The following NR2F1-AS1 variants were observed in gnomAD, a reference collection of about 807,000 sequenced individuals.
The protein encoded by NR2F1-AS1 is NR2F1 antisense RNA 1.
intron 4 of NR2F1-AS1, among the ~76,000 whole-genome samples, chr5:93,545,580 G>A (rs1318106107): frequency 6.6e-6 from 1 of 152,124 alleles, no homozygotes; most frequent in African/African-American, 2.4e-5. Flanking sequence ...CAGTAGGTGG[G>A]CATTAATCCA....
intron 4 of NR2F1-AS1, among the ~76,000 whole-genome samples, chr5:93,523,168 G>C (rs1379050430): frequency 6.6e-6 from 1 of 152,118 alleles, no homozygotes; most frequent in African/African-American, 2.4e-5. Flanking sequence ...TGGGGGGAGG[G>C]GTGTCTGCCA....
chr5:93,422,619 A>T (rs1044562359), intron 4 of NR2F1-AS1, among the ~76,000 whole-genome samples: 5 of 152,168 alleles, frequency 3.3e-5, no homozygotes, highest in Non-Finnish European at 7.3e-5. Flanking sequence ...CCATTTTATC[A>T]TTTTTAATAT....
intron 4 of NR2F1-AS1, among the ~76,000 whole-genome samples, chr5:93,466,487 C>T (rs149771652): frequency 6.6e-6 from 1 of 152,120 alleles, no homozygotes; most frequent in African/African-American, 2.4e-5. Flanking sequence ...AAGGCGCCCA[C>T]CACCACGCCT....
intron 4 of NR2F1-AS1, among the ~76,000 whole-genome samples, chr5:93,424,172 C>T (rs1749147492): frequency 6.6e-6 from 1 of 152,080 alleles, no homozygotes; most frequent in African/African-American, 2.4e-5. Context: ...ATCATCTACT[C>T]TCATGACTTC....
At chr5:93,552,707 T>C (rs1580326897) in intron 4 of NR2F1-AS1, among the ~76,000 whole-genome samples, 1 of 146,908 alleles carries the variant, frequency 6.8e-6, no homozygotes, top group Non-Finnish European at 1.5e-5. Context: ...AAAGCAAGAC[T>C]GTAAAGAAAA....
At chr5:93,477,602 T>A (rs943085928) in intron 4 of NR2F1-AS1, among the ~76,000 whole-genome samples, 10 of 152,118 alleles carry the variant, frequency 6.6e-5, no homozygotes, top group Non-Finnish European at 1.2e-4. Context: ...GGTAAACAAG[T>A]CTCTTCCACT....
At chr5:93,584,516 C>A (rs1380130265), upstream of NR2F1-AS1, 1 of 149,528 alleles carries the variant, frequency 6.7e-6, no homozygotes, top group Admixed American at 6.6e-5. Context: ...TGCCCGCCGC[C>A]CCCGGCGCTG....
At chr5:93,569,235 A>G (rs978033579) in intron 1 of NR2F1-AS1, among the ~76,000 whole-genome samples, 1 of 152,188 alleles carries the variant, frequency 6.6e-6, no homozygotes, top group Non-Finnish European at 1.5e-5. Flanking sequence ...ACAGAAGAGA[A>G]GGGAGAAAAT....
chr5:93,495,921 A>G (rs141765784), intron 4 of NR2F1-AS1: 329 of 152,264 alleles, frequency 2.2e-3, no homozygotes, highest in African/African-American at 7.6e-3. Context: ...TGGATACTAC[A>G]AACTAAGTAG....
intron 4 of NR2F1-AS1, among the ~76,000 whole-genome samples, chr5:93,533,014 C>A (rs938238036): frequency 2.0e-5 from 3 of 152,176 alleles, no homozygotes; most frequent in African/African-American, 7.2e-5. Flanking sequence ...AAAAATCACA[C>A]GATCTTTTAG....
At chr5:93,566,884 T>C (rs1192686667) in intron 1 of NR2F1-AS1, among the ~76,000 whole-genome samples, 1 of 152,000 alleles carries the variant, frequency 6.6e-6, no homozygotes, top group African/African-American at 2.4e-5. Flanking sequence ...TGTTAAAACA[T>C]TATAGAGTCA....
At chr5:93,448,837 T>C (rs897670781) in intron 4 of NR2F1-AS1, among the ~76,000 whole-genome samples, 1 of 152,156 alleles carries the variant, frequency 6.6e-6, no homozygotes, top group Non-Finnish European at 1.5e-5. Flanking sequence ...TTACTCAGTC[T>C]ACCAATTCAA....
At chr5:93,562,195 A>AAAAAAAAGAAAAGAAAAGAAAAG (rs755007063) in intron 2 of NR2F1-AS1, among the ~76,000 whole-genome samples, 4 of 136,720 alleles carry the variant, frequency 2.9e-5, no homozygotes, top group African/African-American at 1.2e-4. Flanking sequence ...AAAAAAAAAA[A>AAAAAAAAGAAAAGAAAAGAAAAG]AAAAGAAAAG....
At chr5:93,550,700 T>A (rs975458997) in intron 4 of NR2F1-AS1, among the ~76,000 whole-genome samples, 8 of 152,224 alleles carry the variant, frequency 5.3e-5, no homozygotes, top group African/African-American at 1.7e-4. Flanking sequence ...TACATTGTGT[T>A]GTTAAAATGT....
chr5:93,522,891 T>C (rs1238641108), intron 4 of NR2F1-AS1, among the ~76,000 whole-genome samples: 2 of 151,960 alleles, frequency 1.3e-5, no homozygotes, highest in African/African-American at 2.4e-5. Context: ...ACCAGGGCCC[T>C]GGGTTTCAAG....
chr5:93,441,182 C>G (rs138496886), intron 4 of NR2F1-AS1, among the ~76,000 whole-genome samples: 1 of 152,126 alleles, frequency 6.6e-6, no homozygotes, highest in Non-Finnish European at 1.5e-5. Flanking sequence ...GCCAGAAGAA[C>G]GAAGATGGTG....
At chr5:93,549,963 C>T (rs917072292) in intron 4 of NR2F1-AS1, among the ~76,000 whole-genome samples, 5 of 151,548 alleles carry the variant, frequency 3.3e-5, no homozygotes, top group African/African-American at 4.9e-5. Context: ...GGGGCCCTGT[C>T]GAGGGGTTGG....
chr5:93,446,286 A>G (rs13155503), intron 4 of NR2F1-AS1, among the ~76,000 whole-genome samples: 3 of 152,070 alleles, frequency 2.0e-5, no homozygotes, highest in African/African-American at 7.2e-5. Flanking sequence ...TGACATGATT[A>G]TATATTTAGA....
intron 4 of NR2F1-AS1, among the ~76,000 whole-genome samples, chr5:93,539,059 A>C (rs973573943): frequency 6.6e-6 from 1 of 152,192 alleles, no homozygotes; most frequent in Non-Finnish European, 1.5e-5. Context: ...CAGGCGGATC[A>C]CTTGAGGTCA....
Sources: allele counts gnomAD v4.1 joint callset (sites outside exome capture counted in the v4.1 genomes callset), GRCh38; gene constraint gnomAD v4.1.1; transcripts MANE v1.5; gene names NCBI Gene and HGNC (gene_info 2026-07-23, HGNC 2026-07-21).